Variants in TRPM6 observed in about 807,000 individuals in gnomAD.
The protein encoded by TRPM6 is channel kinase 2.
In TRPM6, 111 loss-of-function variants were observed where a neutral mutation model predicts 247.6. The ratio of observed to expected loss-of-function variants is 0.45; its 90% CI spans 0.38 to 0.52. The LOEUF is 0.52. Ranked by LOEUF, TRPM6 falls within the 20% of genes least tolerant of loss-of-function variation. The pLI is 0.00. For synonymous variants in TRPM6, 892 were observed against 853.8 expected, an observed-to-expected ratio of 1.04 and a Z score of -0.78; for missense variants, 2,126 against 2,421.5, an observed-to-expected ratio of 0.88 and a Z score of 2.56.
chr9:74,847,946 A>C (rs1338463194), intron 3 of TRPM6, among the ~76,000 whole-genome samples: 1 of 152,182 alleles, frequency 6.6e-6, no homozygotes, highest in African/African-American at 2.4e-5. Flanking sequence ...AGATAGTACC[A>C]AACCTAATTG....
chr9:74,859,276 C>A (rs978538846), intron 1 of TRPM6, among the ~76,000 whole-genome samples: 2 of 152,162 alleles, frequency 1.3e-5, no homozygotes, highest in Non-Finnish European at 2.9e-5. Flanking sequence ...CAGCCTAGAA[C>A]TGTCCCTAAA....
chr9:74,852,256 T>G (rs1394754789), intron 3 of TRPM6, among the ~76,000 whole-genome samples: 1 of 152,028 alleles, frequency 6.6e-6, no homozygotes, highest in Non-Finnish European at 1.5e-5. Flanking sequence ...AGGATCTTGC[T>G]GCGTTGCCCA....
chr9:74,844,175 A>G (rs1051247959), intron 3 of TRPM6, among the ~76,000 whole-genome samples: 7 of 152,240 alleles, frequency 4.6e-5, no homozygotes, highest in African/African-American at 1.7e-4. Flanking sequence ...GGCTGGCTTT[A>G]ACACAAAGTC....
intron 3 of TRPM6, among the ~76,000 whole-genome samples, chr9:74,846,768 T>C (rs1360092465): frequency 6.6e-6 from 1 of 152,128 alleles, no homozygotes; most frequent in Non-Finnish European, 1.5e-5. Context: ...AGGCTGGCCT[T>C]GAACTGCTGA....
intron 1 of TRPM6, among the ~76,000 whole-genome samples, chr9:74,874,514 G>A (rs2118480848): frequency 6.6e-6 from 1 of 152,292 alleles, no homozygotes; most frequent in East Asian, 1.9e-4. Flanking sequence ...TTAAGTCACT[G>A]AGGACCGCAA....
chr9:74,807,869 T>C (rs763269830), intron 14 of TRPM6, among the ~76,000 whole-genome samples, 165 bp downstream of exon 14: 1 of 152,178 alleles, frequency 6.6e-6, no homozygotes, highest in Non-Finnish European at 1.5e-5. Context: ...AAGCCAACAC[T>C]GCAACACTTA....
intron 30 of TRPM6, among the ~76,000 whole-genome samples, chr9:74,749,923 A>G (rs1036198778): frequency 3.3e-5 from 5 of 152,194 alleles, no homozygotes; most frequent in Admixed American, 6.5e-5. Context: ...CTGGGTATCA[A>G]CTGGCACTTC....
intron 8 of TRPM6, among the ~76,000 whole-genome samples, chr9:74,820,653 G>A (rs978424815): frequency 6.6e-6 from 1 of 152,158 alleles, no homozygotes; most frequent in Non-Finnish European, 1.5e-5. Context: ...TGTAATCCCA[G>A]CACTTTGGGA....
At chr9:74,786,537 G>A (rs892752461) in intron 20 of TRPM6, among the ~76,000 whole-genome samples, 5 of 151,564 alleles carry the variant, frequency 3.3e-5, no homozygotes, top group East Asian at 2.0e-4. Context: ...TCAGGAGATC[G>A]AGATCATCCT....
chr9:74,825,533 T>C (rs1829303907), intron 7 of TRPM6, among the ~76,000 whole-genome samples: 1 of 151,728 alleles, frequency 6.6e-6, no homozygotes, highest in Admixed American at 6.6e-5. Flanking sequence ...TTTATATGGG[T>C]TCTCCTTAGA....
At chr9:74,860,972 A>G (rs879818057) in intron 1 of TRPM6, among the ~76,000 whole-genome samples, 1 of 152,182 alleles carries the variant, frequency 6.6e-6, no homozygotes, top group Non-Finnish European at 1.5e-5. Flanking sequence ...GCAGTGAGCC[A>G]TGATTGTGCC....
chr9:74,861,442 A>C (rs1830687665), intron 1 of TRPM6, among the ~76,000 whole-genome samples: 1 of 152,188 alleles, frequency 6.6e-6, no homozygotes, highest in Non-Finnish European at 1.5e-5. Context: ...GTTCAAGGCC[A>C]ATTAACTATT....
chr9:74,810,737 A>G (rs1191969476), intron 13 of TRPM6, 78 bp downstream of exon 13: 1 of 1,333,422 alleles, frequency 7.5e-7, no homozygotes, highest in Non-Finnish European at 1.1e-6. Flanking sequence ...CATTTTACAA[A>G]GCAAAATTCA....
intron 33 of TRPM6, among the ~76,000 whole-genome samples, chr9:74,741,474 T>C (rs1825861430): frequency 6.6e-6 from 1 of 152,152 alleles, no homozygotes; most frequent in African/African-American, 2.4e-5. Context: ...ATATTTATTC[T>C]TGGTGCCCAG....
intron 7 of TRPM6, among the ~76,000 whole-genome samples, chr9:74,823,054 T>C (rs1020720263): frequency 2.6e-5 from 4 of 152,228 alleles, no homozygotes; most frequent in African/African-American, 9.6e-5. Flanking sequence ...ACACCACACA[T>C]ATATTGATAT....
intron 36 of TRPM6, among the ~76,000 whole-genome samples, chr9:74,734,318 T>C (rs1397469921): frequency 6.6e-6 from 1 of 152,240 alleles, no homozygotes; most frequent in Non-Finnish European, 1.5e-5. Context: ...AGTGTATTTC[T>C]ACTTGTTGAG....
intron 18 of TRPM6, among the ~76,000 whole-genome samples, chr9:74,794,756 T>C (rs1204354754): frequency 1.3e-5 from 2 of 152,100 alleles, no homozygotes; most frequent in Non-Finnish European, 2.9e-5. Context: ...ATTGCTATGA[T>C]GAAGACAACC....
rs749636991 is a variant in TRPM6 at position 74,782,466 on chromosome 9, G to A, written c.3105C>T (p.Ser1035=). 1 of 1,613,496 alleles carries A rather than the reference G, an allele frequency of 6.2e-7. No homozygotes were observed. The highest frequency in any genetic ancestry group is 2.2e-5 in the East Asian group (1 of 44,846). The change falls in exon 23 of 39, where the codon AGC becomes AGT. Residue 1035 remains serine, a synonymous_variant. Coordinates refer to ENST00000360774, the MANE Select transcript of TRPM6 (RefSeq NM_017662.5). ...AAGAACCAGGAGGGCAGGATGGCTG[G>A]CTTGAACAAACTACAAATAAAGAAT... ...VYAGEIDVCS[S]QPSCPPGSFL...
chr9:74,764,053 C>A (rs1423599219), intron 25 of TRPM6, among the ~76,000 whole-genome samples: 1 of 150,100 alleles, frequency 6.7e-6, no homozygotes. Context: ...AGGAGACTGA[C>A]GCGGAGGTTG....
Sources: gnomAD v4.1 joint callset for allele counts (sites outside exome capture counted in the v4.1 genomes callset) on GRCh38, gnomAD v4.1.1 for gene constraint, MANE v1.5 for transcripts, NCBI Gene and HGNC (gene_info 2026-07-23, HGNC 2026-07-21) for gene names.